ERC2: variants seen among roughly 807,000 people sequenced by gnomAD.
The protein encoded by ERC2 is ERC protein 2.
ERC2 carries 42 observed loss-of-function variants against 114.8 expected under a neutral mutation model. The ratio of observed to expected loss-of-function variants is 0.37; its 90% confidence interval spans 0.29 to 0.47. The LOEUF (loss-of-function observed/expected upper bound fraction) is 0.47. Among genes scored for constraint, ERC2 ranks in the 20% least tolerant of loss-of-function variants. The probability of loss-of-function intolerance (pLI) is 0.99; values close to 1 mark genes in which losing one functional copy is unlikely to be tolerated. For missense variants in ERC2, 939 were observed against 1,150.7 expected, an observed-to-expected ratio of 0.82 and a Z score of 2.66; for synonymous variants, 454 against 425.5, an observed-to-expected ratio of 1.07 and a Z score of -0.82.
chr3:55,920,446 A>ACACACACACCCCC (rs57638674), intron 13 of ERC2, among the ~76,000 whole-genome samples: 60 of 145,538 alleles, frequency 4.1e-4, no homozygotes, highest in African/African-American at 1.5e-3. Flanking sequence ...ACACACACAC[A>ACACACACACCCCC]CCCCAAGTGA....
chr3:56,192,866 G>A (rs558503386), intron 3 of ERC2, among the ~76,000 whole-genome samples: 8 of 152,204 alleles, frequency 5.3e-5, no homozygotes, highest in Non-Finnish European at 8.8e-5. Flanking sequence ...AAGTCCACAG[G>A]AAACACATTC....
intron 17 of ERC2, among the ~76,000 whole-genome samples, chr3:55,556,940 C>T (rs1314781575): frequency 6.6e-6 from 1 of 152,194 alleles, no homozygotes; most frequent in Non-Finnish European, 1.5e-5. Flanking sequence ...TTATTTACTG[C>T]AAGTCTACTA....
chr3:55,522,969 T>A (rs2053062900), intron 17 of ERC2, among the ~76,000 whole-genome samples: 1 of 152,230 alleles, frequency 6.6e-6, no homozygotes, highest in African/African-American at 2.4e-5. Flanking sequence ...TTTCATAATA[T>A]GTGAACTGGC....
chr3:55,885,684 C>T (rs2063323057), intron 14 of ERC2, among the ~76,000 whole-genome samples: 1 of 152,090 alleles, frequency 6.6e-6, no homozygotes, highest in Non-Finnish European at 1.5e-5. Flanking sequence ...AAAAATAAAT[C>T]CAAATTTTAG....
intron 6 of ERC2, 116 bp downstream of exon 6, chr3:56,139,393 A>T: frequency 2.0e-6 from 2 of 987,182 alleles, no homozygotes; most frequent in South Asian, 1.9e-5. Context: ...TGAATTTCAA[A>T]ATACATCTGG....
intron 17 of ERC2, among the ~76,000 whole-genome samples, chr3:55,513,367 C>T (rs1191539419): frequency 1.3e-5 from 2 of 152,218 alleles, no homozygotes; most frequent in Non-Finnish European, 2.9e-5. Context: ...GCTGAGCTTG[C>T]TTCTGCAGCC....
At chr3:56,029,471 T>C in intron 7 of ERC2, among the ~76,000 whole-genome samples, 1 of 152,104 alleles carries the variant, frequency 6.6e-6, no homozygotes, top group East Asian at 1.9e-4. Flanking sequence ...AATTTCTTTT[T>C]CAGGAGCCTT....
At chr3:56,134,594 C>T (rs2080387778) in intron 6 of ERC2, among the ~76,000 whole-genome samples, 1 of 151,912 alleles carries the variant, frequency 6.6e-6, no homozygotes, top group South Asian at 2.1e-4. Flanking sequence ...GGTTTAATTG[C>T]ATAAGATTCT....
chr3:56,303,972 G>T (rs548918553), intron 2 of ERC2, among the ~76,000 whole-genome samples: 1 of 152,140 alleles, frequency 6.6e-6, no homozygotes, highest in Non-Finnish European at 1.5e-5. Flanking sequence ...AAACTTCCAC[G>T]AGTGATGGCC....
intron 2 of ERC2, among the ~76,000 whole-genome samples, chr3:56,396,001 A>G (rs1206140638): frequency 6.6e-6 from 1 of 152,224 alleles, no homozygotes; most frequent in Admixed American, 6.5e-5. Context: ...AAGAAATGCA[A>G]GTTAAAATGA....
At chr3:56,088,692 G>A (rs1012896339) in intron 6 of ERC2, among the ~76,000 whole-genome samples, 2 of 152,088 alleles carry the variant, frequency 1.3e-5, no homozygotes, top group Non-Finnish European at 2.9e-5. Context: ...AAATATATAT[G>A]TTCAACTAAC....
intron 17 of ERC2, among the ~76,000 whole-genome samples, chr3:55,669,110 T>G (rs959915619): frequency 6.6e-6 from 1 of 152,222 alleles, no homozygotes; most frequent in African/African-American, 2.4e-5. Flanking sequence ...GACATTCCTT[T>G]GGCCTTGGTT....
intron 3 of ERC2, among the ~76,000 whole-genome samples, chr3:56,250,899 T>C (rs555958248): frequency 6.6e-4 from 101 of 152,304 alleles, no homozygotes; most frequent in Middle Eastern, 3.4e-3. Context: ...ATGGACTAAC[T>C]GATGAACCCG....
chr3:55,750,739 C>T (rs1036549522), intron 14 of ERC2, among the ~76,000 whole-genome samples: 1 of 152,176 alleles, frequency 6.6e-6, no homozygotes, highest in Non-Finnish European at 1.5e-5. Context: ...AATACCACCA[C>T]CAAGGAAGAA....
At chr3:56,264,523 G>A (rs1178541418) in intron 3 of ERC2, among the ~76,000 whole-genome samples, 1 of 151,724 alleles carries the variant, frequency 6.6e-6, no homozygotes, top group Non-Finnish European at 1.5e-5. Flanking sequence ...CTAGAACCTA[G>A]GAGGCAGAGG....
intron 3 of ERC2, among the ~76,000 whole-genome samples, chr3:56,238,519 C>T (rs2051114091): frequency 6.6e-6 from 1 of 152,234 alleles, no homozygotes; most frequent in African/African-American, 2.4e-5. Context: ...CCAACTCCCA[C>T]CTAGCCCTGC....
At chr3:56,308,742 C>T (rs959415962) in intron 2 of ERC2, among the ~76,000 whole-genome samples, 4 of 151,770 alleles carry the variant, frequency 2.6e-5, no homozygotes, top group Non-Finnish European at 5.9e-5. Context: ...CTATGAAAAC[C>T]GTCTCCAAGC....
At chr3:56,123,093 C>T (rs73091260) in intron 6 of ERC2, among the ~76,000 whole-genome samples, 9,326 of 152,188 alleles carry the variant, frequency 0.061, 754 homozygotes, top group African/African-American at 0.18. Flanking sequence ...AATTTGTCCT[C>T]GATTCCTCTC....
chr3:55,868,056 C>G (rs2062408313), intron 14 of ERC2, among the ~76,000 whole-genome samples: 1 of 152,186 alleles, frequency 6.6e-6, no homozygotes, highest in Non-Finnish European at 1.5e-5. Flanking sequence ...ATGACGATAG[C>G]TTACCTCCTC....
Sources: gnomAD v4.1 joint callset for allele counts (sites outside exome capture counted in the v4.1 genomes callset) on GRCh38, gnomAD v4.1.1 for gene constraint, MANE v1.5 for transcripts, NCBI Gene and HGNC (gene_info 2026-07-23, HGNC 2026-07-21) for gene names.